OTOG: variants seen among roughly 807,000 people sequenced by gnomAD.
The protein encoded by OTOG is otogelin.
In OTOG, 296 loss-of-function variants were observed where a neutral mutation model predicts 313.8. The ratio of observed to expected loss-of-function variants is 0.94; its 90% CI spans 0.86 to 1.04. The LOEUF (loss-of-function observed/expected upper bound fraction) is 1.04. OTOG is among the 50% of genes least tolerant of loss of function. The pLI is 0.00. For synonymous variants in OTOG, 1,533 were observed against 1,554.9 expected, an observed-to-expected ratio of 0.99 and a Z score of 0.33; for missense variants, 3,948 against 3,840.1, an observed-to-expected ratio of 1.03 and a Z score of -0.74.
chr11:17,639,285 C>T (rs1847918255), intron 48 of OTOG, 138 bp from the exon 49 acceptor site: 1 of 860,336 alleles, frequency 1.2e-6, no homozygotes, highest in East Asian at 2.7e-5. Context: ...TGGGCCTCTT[C>T]CTCTCCTCTC....
rs1176090636 is a variant in OTOG, at chr11:17,634,049, C to T, written c.7268-20C>T. On this transcript the variant is annotated intron_variant, in intron 43 of 55. Coordinates refer to ENST00000399397, the MANE Select transcript of OTOG (RefSeq NM_001292063.2). ...GCTCACCTTCCTCAGTCCCTCGCAC[C>T]CTGCCATTCCCCTCTGCAGCCTGCA... 6.5e-7 allele frequency: 1 copy of T among 1,537,018 alleles called. No individual in the cohort carries two copies.
At position 17,613,682 on chromosome 11, in the gene OTOG, T is replaced by C. The variant is rs767048088; in HGVS notation, c.6509T>C (p.Ile2170Thr). 22 of 1,550,624 alleles carry C rather than the reference T, an allele frequency of 1.4e-5. No individual in the cohort carries two copies. The highest frequency in any genetic ancestry group is 7.3e-5 in the East Asian group (3 of 40,900). The change falls in exon 39 of 56, where the codon ATT becomes ACT. Residue 2170 changes from isoleucine (I) to threonine (T), a missense_variant. Transcript: ENST00000399397. ...NMTHLAHQVT[I>T]DRFNRKVTVD... ...ACTCACTTGGCCCATCAGGTCACTA[T>C]TGATCGCTTCAACCGAAAGGTGAGT...
intron 36 of OTOG, 87 bp downstream of exon 36, chr11:17,611,510 C>A: frequency 7.7e-7 from 1 of 1,292,944 alleles, no homozygotes; most frequent in Non-Finnish European, 1.0e-6. Flanking sequence ...GTTTTAGTCG[C>A]TATCCTCATA....
chr11:17,618,103 G>T (rs145098778), intron 39 of OTOG, among the ~76,000 whole-genome samples: 3 of 151,988 alleles, frequency 2.0e-5, no homozygotes, highest in Non-Finnish European at 4.4e-5. Context: ...GGGTTTCACC[G>T]TGTTAGCCAG....
In OTOG at chr11:17,560,928, C is replaced by A. The variant is rs570395654; in HGVS notation, c.1451+111C>A. The A allele has an allele frequency of 6.0e-6, 7 of 1,175,176 alleles. No homozygotes were observed. The South Asian group carries it at 6.9e-5, about 12-fold the overall frequency. 72.8% of individuals were successfully genotyped at this position (1,175,176 alleles called of 1,614,324 possible). ...CTGGCGTCGGGGCACTCACTCAGTA[C>A]CTTTGAGTCCCAGGGGAGTCTCATT... On this transcript the variant is annotated intron_variant, in intron 13 of 55. Transcript: ENST00000399397.
At chr11:17,599,207 G>C (rs1221313312) in intron 30 of OTOG, among the ~76,000 whole-genome samples, 1 of 152,196 alleles carries the variant, frequency 6.6e-6, no homozygotes, top group South Asian at 2.1e-4. Flanking sequence ...CAGTGCAAGG[G>C]GCTTGAAGAA....
chr11:17,564,580 G>T (rs958550379), intron 15 of OTOG, among the ~76,000 whole-genome samples: 6 of 152,232 alleles, frequency 3.9e-5, no homozygotes, highest in African/African-American at 1.4e-4. Context: ...GAAGCGGGGA[G>T]TGTGTGGGAG....
chr11:17,552,297 T>C (rs530736765), intron 4 of OTOG, among the ~76,000 whole-genome samples: 1 of 152,336 alleles, frequency 6.6e-6, no homozygotes, highest in East Asian at 1.9e-4. Context: ...CCTATGACCA[T>C]GGCCCGGGAC....
At position 17,560,806 on chromosome 11, in the gene OTOG, C is replaced by A. The variant is rs932975050; in HGVS notation, c.1440C>A (p.Asp480Glu). The change falls in exon 13 of 56, where the codon GAC (aspartate) becomes GAA (glutamate). Residue 480 changes from aspartate to glutamate, a missense_variant. By Grantham distance (45) the Asp-to-Glu change is conservative (BLOSUM62 2). Transcript: ENST00000399397. ...LYPPGSVVKE[D>E]CNTCTCTSGK... ...CACCTGGCTCTGTGGTGAAGGAAGA[C>A]TGCAATACTTGGTCTGTGTCTGCTG... is the stretch of plus-strand genomic sequence containing the variant. 6.5e-7 allele frequency: 1 copy of A among 1,550,280 alleles called. No homozygotes were observed. The highest frequency in any genetic ancestry group is 1.4e-5 in the African/African-American group (1 of 73,146).
At chr11:17,586,108 A>G (rs927447956) in intron 23 of OTOG, among the ~76,000 whole-genome samples, 2 of 152,190 alleles carry the variant, frequency 1.3e-5, no homozygotes, top group Non-Finnish European at 2.9e-5. Flanking sequence ...TGAGAGCTCC[A>G]TGAACAACCT....
chr11:17,560,896 C>A, intron 13 of OTOG, 79 bp downstream of exon 13: 2 of 1,323,592 alleles, frequency 1.5e-6, no homozygotes, highest in Non-Finnish European at 2.1e-6. Context: ...TCTGGGAGCA[C>A]TAATGGCTGG....
chr11:17,633,464 CAG>C lies in OTOG; in HGVS notation c.7073-214_7073-213del, dbSNP rs372388386. On this transcript the variant is annotated intron_variant, in intron 42 of 55. Coordinates refer to ENST00000399397, the MANE Select transcript of OTOG (RefSeq NM_001292063.2). The stretch of plus-strand genomic sequence containing the variant: ...TCCAATAAAACTTTATTTGTGAAAA[CAG>C]ACAGTGGGCTGGGTTTGGGCTGTGG... 3.2e-4 allele frequency among the ~76,000 whole-genome samples: 49 copies of C among 152,262 alleles called. No individual in the cohort carries two copies. In the East Asian group the frequency reaches 4.6e-3, roughly 14 times the overall value.
chr11:17,596,371 T>C (rs1853108299), intron 29 of OTOG, among the ~76,000 whole-genome samples: 1 of 152,254 alleles, frequency 6.6e-6, no homozygotes, highest in Admixed American at 6.5e-5. Context: ...GCTTGTGCCC[T>C]TTTCAAGCCC....
chr11:17,597,247 T>C (rs139629953), intron 30 of OTOG, among the ~76,000 whole-genome samples: 53 of 152,318 alleles, frequency 3.5e-4, no homozygotes, highest in African/African-American at 1.2e-3. Flanking sequence ...ATGCTCAAGG[T>C]TAGTGGAGGA....
intron 3 of OTOG, among the ~76,000 whole-genome samples, chr11:17,549,410 G>A (rs772598047): frequency 7.2e-5 from 11 of 152,214 alleles, no homozygotes; most frequent in Non-Finnish European, 1.3e-4. Context: ...TGGTGTGGGC[G>A]TGCTTCTTCT....
In OTOG at chr11:17,557,243, G is replaced by C. The variant is rs755153183; in HGVS notation, c.785G>C (p.Ser262Thr). 1 of 1,550,662 alleles carries C rather than the reference G, an allele frequency of 6.4e-7. No homozygotes were observed. Residue 262 changes from serine to threonine, a missense_variant, in exon 8 of 56, where the codon AGT becomes ACT. Ser to Thr is a moderately conservative substitution (Grantham distance 58, BLOSUM62 1). Coordinates refer to ENST00000399397, the MANE Select transcript of OTOG (RefSeq NM_001292063.2). ...DGASAVYIKM[S>T]PELLGWTHGL... The stretch of plus-strand genomic sequence containing the variant: ...GCCTCGGCTGTCTACATCAAGATGA[G>C]TCCAGAGCTTCTGGGCTGGACCCAT...
chr11:17,606,253 T>C, intron 33 of OTOG, 118 bp downstream of exon 33: 1 of 1,303,326 alleles, frequency 7.7e-7, no homozygotes, highest in Non-Finnish European at 1.0e-6. Flanking sequence ...CTCCTTCTCC[T>C]GGCACAGGGG....
intron 23 of OTOG, among the ~76,000 whole-genome samples, chr11:17,584,501 A>G (rs1175028236): frequency 6.6e-6 from 1 of 151,892 alleles, no homozygotes; most frequent in East Asian, 1.9e-4. Flanking sequence ...AAATTTTTTT[A>G]TAATAAATGG....
chr11:17,628,837 G>A (rs1183156905), intron 39 of OTOG, among the ~76,000 whole-genome samples: 1 of 152,210 alleles, frequency 6.6e-6, no homozygotes, highest in Non-Finnish European at 1.5e-5. Flanking sequence ...GATTGGAAGG[G>A]CTCAGGATTT....
Sources: allele counts gnomAD v4.1 joint callset (sites outside exome capture counted in the v4.1 genomes callset), GRCh38; gene constraint gnomAD v4.1.1; transcripts MANE v1.5; gene names NCBI Gene and HGNC (gene_info 2026-07-23, HGNC 2026-07-21).